Variants in GRIP1 observed in about 807,000 individuals in gnomAD.
The protein encoded by GRIP1 is glutamate receptor interacting protein 1.
Under a neutral mutation model 129.9 loss-of-function variants are expected in GRIP1, and 45 were observed. The observed-to-expected ratio is 0.35, with a 90% CI of 0.27 to 0.44. The LOEUF is 0.44. Among genes scored for constraint, GRIP1 ranks in the 20% least tolerant of loss-of-function variants. The pLI is 1.00. For missense variants in GRIP1, 1,196 were observed against 1,396.8 expected, an observed-to-expected ratio of 0.86 and a Z score of 2.29; for synonymous variants, 530 against 520.8, an observed-to-expected ratio of 1.02 and a Z score of -0.24.
At chr12:66,830,085 G>T (rs895553038) in intron 1 of GRIP1, among the ~76,000 whole-genome samples, 1 of 152,132 alleles carries the variant, frequency 6.6e-6, no homozygotes, top group African/African-American at 2.4e-5. Context: ...TAATCACATA[G>T]CTAGTATGTG....
chr12:66,508,858 T>C (rs1434891733), intron 7 of GRIP1, among the ~76,000 whole-genome samples: 1 of 152,154 alleles, frequency 6.6e-6, no homozygotes. Context: ...AGTTATAAAA[T>C]AGACAACTAT....
At chr12:66,486,703 C>G (rs541010381) in intron 7 of GRIP1, among the ~76,000 whole-genome samples, 9 of 152,266 alleles carry the variant, frequency 5.9e-5, no homozygotes, top group African/African-American at 2.2e-4. Flanking sequence ...AAACCTCTTT[C>G]TTTTGTAAAT....
chr12:67,069,153 GCT>G lies in GRIP1; in HGVS notation c.-48_-47del, dbSNP rs891329853. ...CTGTCGGGCTCGCTCTTTCTCGCTG[GCT>G]CTCTTTCTCCGGGGCTCTCCGCGCC... is the stretch of plus-strand genomic sequence containing the variant. On this transcript the variant is annotated 5_prime_UTR_variant, in exon 1 of 2. Coordinates refer to the GRIP1 transcript ENST00000643019. 7.9e-5 allele frequency: 77 copies of G among 975,796 alleles called. No individual in the cohort carries two copies. The African/African-American group carries it at 1.2e-3, about 15-fold the overall frequency. 60.4% of individuals were successfully genotyped at this position (975,796 alleles called of 1,614,324 possible).
intron 1 of GRIP1, among the ~76,000 whole-genome samples, chr12:66,903,614 A>C (rs975614520): frequency 5.3e-5 from 8 of 152,190 alleles, no homozygotes; most frequent in Non-Finnish European, 1.2e-4. Flanking sequence ...AGGAAAGAAA[A>C]CCACAGATAT....
At chr12:66,884,368 C>G (rs2040529235) in intron 1 of GRIP1, among the ~76,000 whole-genome samples, 1 of 152,172 alleles carries the variant, frequency 6.6e-6, no homozygotes, top group East Asian at 1.9e-4. Context: ...TCATCGAGGA[C>G]CTGTAATTGG....
At chr12:66,513,408 CATTTGGGAG>C (rs2060756760) in intron 7 of GRIP1, among the ~76,000 whole-genome samples, 1 of 152,018 alleles carries the variant, frequency 6.6e-6, no homozygotes, top group Non-Finnish European at 1.5e-5. Context: ...TTTGTTGATA[CATTTGGGAG>C]AAATGACATA....
chr12:66,602,848 CTTTTTTTTTTTTT>C (rs71436016), intron 1 of GRIP1, among the ~76,000 whole-genome samples: 6 of 71,660 alleles, frequency 8.4e-5, no homozygotes, highest in South Asian at 6.0e-4. Context: ...AGATCTTTTG[CTTTTTTTTTTTTT>C]TTTTTTTTTT....
intron 1 of GRIP1, among the ~76,000 whole-genome samples, chr12:66,602,848 CTTTTTTTTTTT>C (rs71436016): frequency 0.26 from 18,776 of 71,558 alleles, 1,244 homozygotes; most frequent in Middle Eastern, 0.35. Context: ...AGATCTTTTG[CTTTTTTTTTTT>C]TTTTTTTTTT....
chr12:67,015,415 A>T (rs2042771645), intron 1 of GRIP1, among the ~76,000 whole-genome samples: 1 of 152,182 alleles, frequency 6.6e-6, no homozygotes, highest in Non-Finnish European at 1.5e-5. Flanking sequence ...TCTGAGCAGA[A>T]TAAAACAAAA....
intron 13 of GRIP1, among the ~76,000 whole-genome samples, chr12:66,433,362 C>T (rs962616231): frequency 1.1e-4 from 16 of 152,146 alleles, no homozygotes; most frequent in African/African-American, 2.7e-4. Flanking sequence ...CCAGCAGATT[C>T]CAACTACATT....
At chr12:66,371,441 G>A (rs2055491528) in intron 23 of GRIP1, among the ~76,000 whole-genome samples, 1 of 152,182 alleles carries the variant, frequency 6.6e-6, no homozygotes, top group South Asian at 2.1e-4. Context: ...TTATAGGCAT[G>A]TGCCACCACA....
chr12:66,624,419 G>A (rs968652033), intron 1 of GRIP1, among the ~76,000 whole-genome samples: 1 of 152,104 alleles, frequency 6.6e-6, no homozygotes, highest in African/African-American at 2.4e-5. Context: ...AAAAAAATTA[G>A]AAGTAAAGTA....
intron 1 of GRIP1, among the ~76,000 whole-genome samples, chr12:66,799,733 A>C (rs933257667): frequency 6.6e-6 from 1 of 152,294 alleles, no homozygotes; most frequent in Non-Finnish European, 1.5e-5. Flanking sequence ...TCAAGAAAGA[A>C]AGTCCTAATT....
chr12:66,919,889 G>A (rs893762722), intron 1 of GRIP1, among the ~76,000 whole-genome samples: 119 of 151,954 alleles, frequency 7.8e-4, no homozygotes, highest in Non-Finnish European at 1.4e-3. Flanking sequence ...TTTTACCTTG[G>A]TAAAGTTAAA....
At chr12:66,469,697 T>C (rs2059384108) in intron 7 of GRIP1, among the ~76,000 whole-genome samples, 1 of 152,208 alleles carries the variant, frequency 6.6e-6, no homozygotes, top group Middle Eastern at 3.2e-3. Flanking sequence ...TCAGGGCTTA[T>C]TGACAACAGT....
chr12:66,968,832 G>T (rs2174294), intron 1 of GRIP1, among the ~76,000 whole-genome samples: 31,874 of 151,946 alleles, frequency 0.21, 4,061 homozygotes, highest in East Asian at 0.29. Flanking sequence ...CCTTAATGTT[G>T]ATCTAAGTTG....
At chr12:66,391,585 C>T (rs913179778) in intron 19 of GRIP1, among the ~76,000 whole-genome samples, 2 of 152,154 alleles carry the variant, frequency 1.3e-5, no homozygotes, top group Admixed American at 1.3e-4. Flanking sequence ...GGCATGGTGG[C>T]TCATGCCTAT....
chr12:66,519,850 G>T (rs1313122260), intron 5 of GRIP1, among the ~76,000 whole-genome samples: 1 of 152,194 alleles, frequency 6.6e-6, no homozygotes, highest in Admixed American at 6.5e-5. Context: ...ACTAGAGAAG[G>T]TTTCCTTGTC....
chr12:66,471,453 TAGAC>T (rs1163264399), intron 7 of GRIP1, among the ~76,000 whole-genome samples: 2 of 152,206 alleles, frequency 1.3e-5, no homozygotes, highest in African/African-American at 4.8e-5. Context: ...GTGCTGGAGT[TAGAC>T]AGAGGGAATA....
Sources: gnomAD v4.1 joint callset for allele counts (sites outside exome capture counted in the v4.1 genomes callset) on GRCh38, gnomAD v4.1.1 for gene constraint, MANE v1.5 for transcripts, NCBI Gene and HGNC (gene_info 2026-07-23, HGNC 2026-07-21) for gene names.